TENM1: variants seen among roughly 807,000 people sequenced by gnomAD.
TENM1 encodes teneurin-1.
Under a neutral mutation model 174.8 loss-of-function variants are expected in TENM1, and 35 were observed. The ratio of observed to expected loss-of-function variants is 0.20; its 90% CI spans 0.15 to 0.27. The LOEUF is 0.27. Ranked by LOEUF, TENM1 falls within the 10% of genes least tolerant of loss-of-function variation. The pLI, the probability that TENM1 is intolerant of heterozygous loss-of-function variation, is 1.00. For synonymous variants in TENM1, 781 were observed against 798.7 expected, an observed-to-expected ratio of 0.98 and a Z score of 0.37; for missense variants, 1,633 against 2,130.1, an observed-to-expected ratio of 0.77 and a Z score of 4.59.
chrX:124,860,681 T>C (rs113286969), intron 3 of TENM1, among the ~76,000 whole-genome samples: 5 of 111,960 alleles, frequency 4.5e-5, no homozygotes, highest in African/African-American at 1.6e-4. Flanking sequence ...AAGCAAGATA[T>C]TTCTTTAAAT....
At chrX:124,803,608 G>A (rs1047137173) in intron 3 of TENM1, among the ~76,000 whole-genome samples, 2 of 112,178 alleles carry the variant, frequency 1.8e-5, no homozygotes, top group Non-Finnish European at 3.8e-5. Context: ...CTAGTTGTAT[G>A]CTTATTTGTA....
intron 3 of TENM1, among the ~76,000 whole-genome samples, chrX:124,857,030 T>G (rs761469254): frequency 9.0e-6 from 1 of 111,189 alleles, no homozygotes; most frequent in Non-Finnish European, 1.9e-5. Flanking sequence ...ATGTATGTAC[T>G]GGGTTGTGAT....
chrX:125,125,510 T>C, the TENM1 span, among the ~76,000 whole-genome samples: 834 of 111,926 alleles, frequency 7.5e-3, 4 homozygotes, highest in Middle Eastern at 0.023. Flanking sequence ...GGTAGTAGCA[T>C]GTACAGATCC....
chrX:124,612,500 A>C (rs1047044890), intron 11 of TENM1, among the ~76,000 whole-genome samples: 23 of 111,510 alleles, frequency 2.1e-4, no homozygotes, highest in African/African-American at 6.8e-4. Flanking sequence ...TCTAAGAATT[A>C]AACCTAGAAT....
At position 124,803,259 on chromosome X, in the gene TENM1, AC is replaced by A. The variant is rs753173773; in HGVS notation, c.536-66063del. Among the ~76,000 whole-genome samples the A allele has an allele frequency of 3.6e-5, 4 of 110,645 alleles. No homozygotes were observed. In the East Asian group the frequency reaches 8.6e-4, roughly 24 times the overall value. ...TTAAAGTATTACAGTTGCTCTTGAA[AC>A]CCCCTTCTTACTGCTTCTAAATTCT... is the stretch of plus-strand genomic sequence containing the variant. On this transcript the variant is annotated intron_variant, in intron 3 of 31. Coordinates refer to ENST00000422452, the Ensembl canonical transcript of TENM1.
chrX:125,129,889 T>C, the TENM1 span, among the ~76,000 whole-genome samples: 2 of 111,724 alleles, frequency 1.8e-5, no homozygotes, highest in Admixed American at 1.9e-4. Flanking sequence ...CTATTGTGAA[T>C]AGTGCTGCAA....
intron 20 of TENM1, among the ~76,000 whole-genome samples, chrX:124,491,089 ACTT>A (rs765056099): frequency 3.6e-5 from 4 of 112,224 alleles, no homozygotes; most frequent in Non-Finnish European, 7.5e-5. Context: ...GAGGGAAGTG[ACTT>A]CTGTACTGTT....
intron 3 of TENM1, among the ~76,000 whole-genome samples, chrX:124,875,313 T>A (rs1175888010): frequency 3.6e-5 from 4 of 111,036 alleles, no homozygotes; most frequent in Non-Finnish European, 7.5e-5. Context: ...AAGTAAGTAT[T>A]GTTTGTATGG....
intron 23 of TENM1, among the ~76,000 whole-genome samples, chrX:124,440,192 A>G (rs1196058404): frequency 1.8e-5 from 2 of 112,293 alleles, no homozygotes; most frequent in East Asian, 5.5e-4. Flanking sequence ...TTGCATAAGC[A>G]ATAAATAACA....
intron 28 of TENM1, among the ~76,000 whole-genome samples, chrX:124,390,677 A>C (rs1340842279): frequency 8.9e-6 from 1 of 112,491 alleles, no homozygotes; most frequent in Non-Finnish European, 1.9e-5. Flanking sequence ...TCTGTTAGTG[A>C]TCAGTAGCAC....
the TENM1 span, among the ~76,000 whole-genome samples, chrX:125,124,948 C>T: frequency 4.5e-5 from 5 of 111,998 alleles, no homozygotes; most frequent in Admixed American, 4.7e-4. Flanking sequence ...AGATCTAGGT[C>T]AAAATAGCCC....
At chrX:124,654,079 AAAGATGAGT>A (rs1247123976) in intron 6 of TENM1, among the ~76,000 whole-genome samples, 1 of 112,158 alleles carries the variant, frequency 8.9e-6, no homozygotes, top group Non-Finnish European at 1.9e-5. Flanking sequence ...CAAGAGATAC[AAAGATGAGT>A]AAGAGGCAGT....
intron 15 of TENM1, among the ~76,000 whole-genome samples, chrX:124,538,267 TA>T (rs1181519749): frequency 4.5e-5 from 5 of 112,061 alleles, no homozygotes; most frequent in Non-Finnish European, 9.4e-5. Context: ...AGTGCTTTAT[TA>T]GGAAGCAGCA....
At chrX:125,166,917 T>A in the TENM1 span, among the ~76,000 whole-genome samples, 1 of 111,879 alleles carries the variant, frequency 8.9e-6, no homozygotes, top group Non-Finnish European at 1.9e-5. Context: ...TTGCCTGACA[T>A]GCTTTCCCAA....
chrX:125,048,779 G>A, the TENM1 span, among the ~76,000 whole-genome samples: 2 of 111,187 alleles, frequency 1.8e-5, no homozygotes, highest in Non-Finnish European at 3.8e-5. Flanking sequence ...GTCTGCTATG[G>A]TCTGCTTTCA....
chrX:124,813,802 C>A (rs1176182951), intron 3 of TENM1, among the ~76,000 whole-genome samples: 1 of 110,400 alleles, frequency 9.1e-6, no homozygotes, highest in Non-Finnish European at 1.9e-5. Context: ...TACTGCATGC[C>A]CTCTACATTA....
intron 23 of TENM1, among the ~76,000 whole-genome samples, chrX:124,437,104 ATTTTTTTTTTTT>A (rs35632932): frequency 2.0e-4 from 7 of 34,913 alleles, no homozygotes; most frequent in East Asian, 1.0e-3. Context: ...TGCTCGGCTA[ATTTTTTTTTTTT>A]TTTTTTTTTT....
At chrX:124,419,745 C>T (rs778330111) in intron 25 of TENM1, among the ~76,000 whole-genome samples, 29 of 112,059 alleles carry the variant, frequency 2.6e-4, no homozygotes, top group Non-Finnish European at 1.9e-4. Context: ...TTTACAGAAG[C>T]AGCCAATGGA....
chrX:124,920,645 C>T (rs1356953839), intron 1 of TENM1, among the ~76,000 whole-genome samples: 1 of 111,164 alleles, frequency 9.0e-6, no homozygotes, highest in Non-Finnish European at 1.9e-5. Context: ...TTCCTCATAC[C>T]CTTACAGTAA....
Sources: gnomAD v4.1 joint callset for allele counts (sites outside exome capture counted in the v4.1 genomes callset) on GRCh38, gnomAD v4.1.1 for gene constraint, MANE v1.5 for transcripts, NCBI Gene and HGNC (gene_info 2026-07-23, HGNC 2026-07-21) for gene names.